DEFA4: variants seen among roughly 807,000 people sequenced by gnomAD.
The protein encoded by DEFA4 is corticostatin.
DEFA4 carries 8 observed loss-of-function variants against 4.4 expected under a neutral mutation model. That is an observed-to-expected ratio of 1.82 (90% CI 1.07 to 3.29). The LOEUF is 3.29. DEFA4 is among the 30% of genes most tolerant of loss of function. DEFA4 has a pLI of 0.00. For missense variants in DEFA4, 216 were observed against 127.0 expected (o/e 1.70, Z -3.37); for synonymous variants, 77 against 46.5 (o/e 1.66, Z -2.67).
chr8:6,936,174 C>G (rs561916588), intron 2 of DEFA4, 33 bp from the exon 3 acceptor site: 1 of 1,610,884 alleles, frequency 6.2e-7, no homozygotes, highest in Admixed American at 1.7e-5. Context: ...AGAAATTAAG[C>G]ACCAAGGTCA....
In DEFA4 at chr8:6,935,907, G is replaced by A. The variant is rs938732403; in HGVS notation, c.*113C>T. On this transcript the variant is annotated 3_prime_UTR_variant, in exon 3 of 3. Coordinates refer to ENST00000297435, the MANE Select transcript of DEFA4 (RefSeq NM_001925.3). ...ACAACCATTTCCTGTAGCTCTCAAA[G>A]CAAATTATGAGCTCATTTTTCTCTA... 19 of 1,494,702 alleles carry A rather than the reference G, an allele frequency of 1.3e-5. No individual in the cohort carries two copies. Among genetic ancestry groups the A allele is most frequent in the Non-Finnish European group, 1.8e-5 (19 of 1,080,482 alleles). 92.6% of individuals were successfully genotyped at this position (1,494,702 alleles called of 1,614,324 possible). A position where few individuals can be genotyped will look rare whatever the true frequency, so the allele number is the denominator to read the frequency against.
At chr8:6,936,240 C>T in intron 2 of DEFA4, 99 bp from the exon 3 acceptor site, 2 of 1,509,206 alleles carry the variant, frequency 1.3e-6, no homozygotes, top group Non-Finnish European at 1.8e-6. Context: ...ACCGGTGATG[C>T]TGGCTGCATT....
chr8:6,936,652 T>G, intron 2 of DEFA4, 76 bp downstream of exon 2: 2 of 1,407,856 alleles, frequency 1.4e-6, no homozygotes, highest in Non-Finnish European at 1.9e-6. Context: ...ACATCCACCA[T>G]TGAGATGTGA....
In DEFA4 at chr8:6,936,712, T is replaced by C. The variant is rs1222440652; in HGVS notation, c.172+16A>G. On this transcript the variant is annotated intron_variant, in intron 2 of 2. Coordinates refer to ENST00000297435, the MANE Select transcript of DEFA4 (RefSeq NM_001925.3). ...CTCTCTAGACTCGGTAGCTTTTTTA[T>C]GCTGGCCTCTCTCACCTGAAACCTG... 6.3e-7 allele frequency: 1 copy of C among 1,575,862 alleles called. No homozygotes were observed. The highest frequency in any genetic ancestry group is 2.3e-5 in the East Asian group (1 of 43,760).
rs187337108 is a variant in DEFA4 at position 6,937,746 on chromosome 8, G to C, written c.-13+480C>G. ...TAAACAAATGGGAAAATAGACAAGC[G>C]GGGCTGCATTGAACGCTAAAGCATC... On this transcript the variant is annotated intron_variant, in intron 1 of 2. Coordinates refer to ENST00000297435, the MANE Select transcript of DEFA4 (RefSeq NM_001925.3). 2.0e-5 allele frequency among the ~76,000 whole-genome samples: 3 copies of C among 152,232 alleles called. No homozygotes were observed. In the East Asian group the frequency reaches 5.8e-4, roughly 29 times the overall value.
rs1808824214 is a variant in DEFA4, at chr8:6,935,896, T to C, written c.*124A>G. On this transcript the variant is annotated 3_prime_UTR_variant, in exon 3 of 3. Transcript: ENST00000297435. ...GTATAGGAGAAACAACCATTTCCTG[T>C]AGCTCTCAAAGCAAATTATGAGCTC... The C allele has an allele frequency of 2.2e-6, 3 of 1,342,872 alleles. No individual in the cohort carries two copies. The highest frequency in any genetic ancestry group is 1.4e-5 in the African/African-American group (1 of 69,394). 83.2% of individuals were successfully genotyped at this position (1,342,872 alleles called of 1,614,324 possible). A position where few individuals can be genotyped will look rare whatever the true frequency, so the allele number is the denominator to read the frequency against.
intron 2 of DEFA4, among the ~76,000 whole-genome samples, chr8:6,936,365 T>C (rs1423097283): frequency 2.0e-5 from 3 of 152,186 alleles, no homozygotes; most frequent in Non-Finnish European, 2.9e-5. Flanking sequence ...TTTTGCCCCA[T>C]CAGACACACA....
intron 1 of DEFA4, among the ~76,000 whole-genome samples, chr8:6,937,779 CA>C (rs1225167931): frequency 2.0e-5 from 3 of 152,002 alleles, no homozygotes; most frequent in Admixed American, 1.3e-4. Context: ...ATCTTCATAG[CA>C]AAGGAAACAA....
chr8:6,937,358 TAG>T (rs1489417558), intron 1 of DEFA4, among the ~76,000 whole-genome samples: 1 of 151,824 alleles, frequency 6.6e-6, no homozygotes, highest in Non-Finnish European at 1.5e-5. Context: ...TCCGGTGGAG[TAG>T]AGAGTAACTC....
intron 1 of DEFA4, among the ~76,000 whole-genome samples, chr8:6,937,343 T>C (rs1190125424): frequency 6.6e-6 from 1 of 152,154 alleles, no homozygotes; most frequent in African/African-American, 2.4e-5. Context: ...GTGCCAGACC[T>C]GTATTCCGGT....
chr8:6,938,006 A>G (rs1431965674), intron 1 of DEFA4, among the ~76,000 whole-genome samples: 4 of 152,170 alleles, frequency 2.6e-5, no homozygotes, highest in Non-Finnish European at 2.9e-5. Context: ...GGACATGTCA[A>G]GTAGGACACG....
In DEFA4 at chr8:6,936,763, A is replaced by T. The variant is rs767362232; in HGVS notation, c.137T>A (p.Phe46Tyr). The stretch of plus-strand genomic sequence containing the variant: ...AAGAGCAGAGCTTTTATCCCATGCA[A>T]AGGAAATAGATATGTCCTGGTCTTC... ...GPEDQDISISFAWDKSSALQV... is the reference protein window; with the variant it reads ...GPEDQDISISYAWDKSSALQV... Residue 46 changes from phenylalanine (F) to tyrosine (Y), a missense_variant, in exon 2 of 3, where the codon TTT becomes TAT. Coordinates refer to ENST00000297435, the MANE Select transcript of DEFA4 (RefSeq NM_001925.3). 65 of 1,611,754 alleles carry T rather than the reference A, an allele frequency of 4.0e-5. No homozygotes were observed. Among genetic ancestry groups the T allele is most frequent in the Non-Finnish European group, 5.4e-5 (64 of 1,178,860 alleles).
chr8:6,937,932 T>A (rs1808931489), intron 1 of DEFA4, among the ~76,000 whole-genome samples: 1 of 152,128 alleles, frequency 6.6e-6, no homozygotes, highest in Admixed American at 6.5e-5. Flanking sequence ...AAAACAGACC[T>A]AGGACCTGCA....
Position 6,936,863 on chromosome 8 carries a change from C to G in DEFA4, c.37G>C (p.Val13Leu), listed in dbSNP as rs1373510824. Residue 13 changes from valine (V) to leucine (L), a missense_variant, in exon 2 of 3, where the codon GTA becomes CTA. Transcript: ENST00000297435. ...IIALLAAILL[V>L]ALQVRAGPLQ... is the part of the protein sequence containing the mutation. ...GGGCCTGCCCGGACCTGGAGGGCTACCAAGAGAATAGCAGCGAGGAGGGCG... is the reference window on the plus strand; with the variant it reads ...GGGCCTGCCCGGACCTGGAGGGCTAGCAAGAGAATAGCAGCGAGGAGGGCG... 1 of 1,611,652 alleles carries G rather than the reference C, an allele frequency of 6.2e-7. No homozygotes were observed. Among genetic ancestry groups the G allele is most frequent in the Admixed American group, 1.7e-5 (1 of 59,844 alleles).
rs1808822900 is a variant in DEFA4 at position 6,935,852 on chromosome 8, G to C, written c.*168C>G. ...TTACGAGATATATATTTAGGATCAA[G>C]AAAGATGTTAAGGACAAAGTATAGG... On this transcript the variant is annotated 3_prime_UTR_variant, in exon 3 of 3. Coordinates refer to ENST00000297435, the MANE Select transcript of DEFA4 (RefSeq NM_001925.3). The C allele has an allele frequency of 1.2e-6, 1 of 850,800 alleles. No individual in the cohort carries two copies. Among genetic ancestry groups the C allele is most frequent in the Non-Finnish European group, 1.9e-6 (1 of 535,086 alleles). The allele number at this position is 850,800 out of a possible 1,614,324, so 52.7% of individuals were successfully genotyped here.
Position 6,936,005 on chromosome 8 carries a change from T to A in DEFA4, c.*15A>T. On this transcript the variant is annotated 3_prime_UTR_variant, in exon 3 of 3. Coordinates refer to ENST00000297435, the MANE Select transcript of DEFA4 (RefSeq NM_001925.3). ...ATGGCGTTCCCAGCATGACATTCTC[T>A]TGGACAGCAGAACGTTAATCGACAC... The A allele has an allele frequency of 1.2e-6, 2 of 1,613,636 alleles. No individual in the cohort carries two copies. The highest frequency in any genetic ancestry group is 1.7e-6 in the Non-Finnish European group (2 of 1,179,706).
chr8:6,937,493 C>T lies in DEFA4; in HGVS notation c.-12-582G>A, dbSNP rs559291132. On this transcript the variant is annotated intron_variant, in intron 1 of 2. Coordinates refer to ENST00000297435, the MANE Select transcript of DEFA4 (RefSeq NM_001925.3). ...CTTATCAGGGTACAGGTGAAATGAG[C>T]TCAGTGAGAGAGATAAAGAGTTGTG... Among the ~76,000 whole-genome samples the T allele has an allele frequency of 1.2e-4, 18 of 152,188 alleles. No homozygotes were observed. The South Asian group carries it at 2.3e-3, about 19-fold the overall frequency.
intron 1 of DEFA4, among the ~76,000 whole-genome samples, chr8:6,937,275 C>A (rs1016196392): frequency 1.3e-5 from 2 of 152,062 alleles, no homozygotes; most frequent in East Asian, 3.8e-4. Context: ...TTTAAGAGAG[C>A]AAATGCCTCT....
At chr8:6,938,202 A>C (rs1260648554) in intron 1 of DEFA4, 24 bp downstream of exon 1, 1 of 152,158 alleles carries the variant, frequency 6.6e-6, no homozygotes, top group African/African-American at 2.4e-5. Context: ...CTCAATGTGA[A>C]AGTTTAAGTT....
Sources: allele counts gnomAD v4.1 joint callset (sites outside exome capture counted in the v4.1 genomes callset), GRCh38; gene constraint gnomAD v4.1.1; transcripts MANE v1.5; gene names NCBI Gene and HGNC (gene_info 2026-07-23, HGNC 2026-07-21).